RNF150: variants seen among roughly 807,000 people sequenced by gnomAD.
The protein encoded by RNF150 is ring finger protein 150.
In RNF150, 24 loss-of-function variants were observed where a neutral mutation model predicts 39.3. The observed-to-expected ratio is 0.61, with a 90% confidence interval of 0.44 to 0.86. The LOEUF (loss-of-function observed/expected upper bound fraction) is 0.86. RNF150 is among the 40% of genes least tolerant of loss of function. The pLI, the probability that RNF150 is intolerant of heterozygous loss-of-function variation, is 0.00. For synonymous variants in RNF150, 255 were observed against 227.3 expected (o/e 1.12, Z -1.10); for missense variants, 502 against 587.8 (o/e 0.85, Z 1.51).
At chr4:140,950,696 C>A (rs1732508743) in intron 2 of RNF150, among the ~76,000 whole-genome samples, 1 of 152,218 alleles carries the variant, frequency 6.6e-6, no homozygotes, top group Non-Finnish European at 1.5e-5. Flanking sequence ...GTCAACCAAC[C>A]ATCCAGCCAA....
intron 1 of RNF150, among the ~76,000 whole-genome samples, chr4:141,087,789 G>A (rs1738423093): frequency 6.6e-6 from 1 of 152,124 alleles, no homozygotes; most frequent in Non-Finnish European, 1.5e-5. Flanking sequence ...GAATGTGTCT[G>A]TAATGAGGGT....
chr4:140,949,811 T>C (rs10519570), intron 2 of RNF150, among the ~76,000 whole-genome samples: 12,516 of 152,248 alleles, frequency 0.082, 704 homozygotes, highest in Middle Eastern at 0.17. Flanking sequence ...TGCTTGGATA[T>C]TCCTTCCAAT....
chr4:141,184,867 CTGTGTGTGTG>C (rs61134992), intron 1 of RNF150, among the ~76,000 whole-genome samples: 1 of 147,996 alleles, frequency 6.8e-6, no homozygotes, highest in Non-Finnish European at 1.5e-5. Flanking sequence ...GTCTATATAT[CTGTGTGTGTG>C]TGTGTGTGTG....
At chr4:141,117,400 A>G (rs1331161960) in intron 1 of RNF150, among the ~76,000 whole-genome samples, 1 of 152,198 alleles carries the variant, frequency 6.6e-6, no homozygotes, top group African/African-American at 2.4e-5. Context: ...ATGTTTATAT[A>G]TGTGGTATAA....
At chr4:140,922,670 T>C (rs1169472961) in intron 5 of RNF150, among the ~76,000 whole-genome samples, 2 of 152,038 alleles carry the variant, frequency 1.3e-5, no homozygotes, top group Non-Finnish European at 2.9e-5. Flanking sequence ...AAGTCAATCC[T>C]AAGGCAAAAG....
Position 140,890,030 on chromosome 4 carries a change from T to A in RNF150, c.1198+21114A>T, listed in dbSNP as rs73857110. Among the ~76,000 whole-genome samples, 1,460 of 152,176 alleles carry A rather than the reference T, an allele frequency of 9.6e-3. 22 individuals carry two copies. Among genetic ancestry groups the A allele is most frequent in the African/African-American group, 0.033 (1,387 of 41,508 alleles). On this transcript the variant is annotated intron_variant, in intron 6 of 6. Coordinates refer to ENST00000515673, the MANE Select transcript of RNF150 (RefSeq NM_020724.2). ...AACAAATAAAAACCCCCACATTAGC[T>A]CCTTTTGTGTCTCACCACTAGTTTC...
At chr4:140,869,261 G>A (rs892180248) in intron 6 of RNF150, among the ~76,000 whole-genome samples, 1 of 152,242 alleles carries the variant, frequency 6.6e-6, no homozygotes, top group Non-Finnish European at 1.5e-5. Flanking sequence ...GACGTTCACA[G>A]TATACTGTTA....
chr4:141,061,974 T>C (rs1455718122), intron 1 of RNF150, among the ~76,000 whole-genome samples: 1 of 152,138 alleles, frequency 6.6e-6, no homozygotes, highest in Non-Finnish European at 1.5e-5. Context: ...AGAATAAATC[T>C]GATAATTATG....
chr4:140,908,522 C>G (rs939760844), intron 6 of RNF150, among the ~76,000 whole-genome samples: 3 of 152,062 alleles, frequency 2.0e-5, no homozygotes, highest in African/African-American at 7.2e-5. Flanking sequence ...CCCATCTTTA[C>G]CAGTAGCTTC....
intron 1 of RNF150, among the ~76,000 whole-genome samples, chr4:141,073,957 A>T (rs535796805): frequency 6.6e-6 from 1 of 152,140 alleles, no homozygotes; most frequent in East Asian, 1.9e-4. Flanking sequence ...GAAGCCAAGC[A>T]AGGGGGTGAT....
chr4:141,031,955 T>C (rs372445984), intron 1 of RNF150, among the ~76,000 whole-genome samples: 4 of 151,868 alleles, frequency 2.6e-5, no homozygotes, highest in African/African-American at 9.7e-5. Context: ...ATAGTCAAGA[T>C]ATAAAATTAA....
intron 4 of RNF150, among the ~76,000 whole-genome samples, chr4:140,929,358 GTTTTTTTTT>G (rs532514901): frequency 3.9e-5 from 2 of 51,598 alleles, no homozygotes; most frequent in East Asian, 1.3e-3. Flanking sequence ...TGGATGCTAA[GTTTTTTTTT>G]TTTTTTTTTT....
intron 6 of RNF150, among the ~76,000 whole-genome samples, chr4:140,883,644 T>C (rs1414691386): frequency 6.6e-6 from 1 of 152,234 alleles, no homozygotes; most frequent in Admixed American, 6.5e-5. Context: ...AGAAATCTGC[T>C]GATAATCATA....
intron 1 of RNF150, among the ~76,000 whole-genome samples, chr4:141,053,386 G>A (rs1332826642): frequency 6.6e-6 from 1 of 152,038 alleles, no homozygotes; most frequent in Non-Finnish European, 1.5e-5. Flanking sequence ...ATGTTCAAAT[G>A]GATATTAGCA....
At chr4:141,121,715 C>T (rs1726611053) in intron 1 of RNF150, among the ~76,000 whole-genome samples, 1 of 152,108 alleles carries the variant, frequency 6.6e-6, no homozygotes, top group African/African-American at 2.4e-5. Context: ...ATTTAAGCAA[C>T]ACTGTCCCTG....
At chr4:141,026,374 C>T (rs905213537) in intron 1 of RNF150, among the ~76,000 whole-genome samples, 3 of 152,154 alleles carry the variant, frequency 2.0e-5, no homozygotes, top group East Asian at 1.9e-4. Context: ...GGATTAACAA[C>T]GAATCTTATA....
At chr4:141,062,267 TATGTCTGTATTATAC>T (rs1004003805) in intron 1 of RNF150, among the ~76,000 whole-genome samples, 14 of 152,226 alleles carry the variant, frequency 9.2e-5, no homozygotes, top group South Asian at 2.1e-4. Context: ...CTCTTTGTTT[TATGTCTGTATTATAC>T]ATGTCTGTAT....
At chr4:141,054,693 C>G (rs530147091) in intron 1 of RNF150, among the ~76,000 whole-genome samples, 1 of 152,192 alleles carries the variant, frequency 6.6e-6, no homozygotes, top group South Asian at 2.1e-4. Flanking sequence ...TAAATAGCAA[C>G]CTTCTCTCTT....
chr4:140,896,697 A>C (rs1282533529), intron 6 of RNF150, among the ~76,000 whole-genome samples: 3 of 82,434 alleles, frequency 3.6e-5, no homozygotes, highest in Admixed American at 1.5e-4. Flanking sequence ...TAAAAAAAAA[A>C]AAACAAAAAA....
Sources: gnomAD v4.1 joint callset for allele counts (sites outside exome capture counted in the v4.1 genomes callset) on GRCh38, gnomAD v4.1.1 for gene constraint, MANE v1.5 for transcripts, NCBI Gene and HGNC (gene_info 2026-07-23, HGNC 2026-07-21) for gene names.